SLC4A11: variants seen among roughly 807,000 people sequenced by gnomAD.
SLC4A11 encodes solute carrier family 4 member 11.
A neutral mutation model predicts 95.0 loss-of-function variants in SLC4A11; 74 were observed. That is an observed-to-expected ratio of 0.78 (90% CI 0.65 to 0.95). The LOEUF (loss-of-function observed/expected upper bound fraction) is 0.95. SLC4A11 is among the 40% of genes least tolerant of loss of function. The probability of loss-of-function intolerance (pLI) is 0.00; values close to 1 mark genes in which losing one functional copy is unlikely to be tolerated. For missense variants in SLC4A11, 1,081 were observed against 1,192.4 expected (o/e 0.91, Z 1.38); for synonymous variants, 548 against 519.0 (o/e 1.06, Z -0.76).
In SLC4A11 at chr20:3,233,157, C is replaced by T. The variant is rs147974141; in HGVS notation, c.729+357G>A. ...TCCCACAAAAAGCATGGTGTCCCGG[C>T]CAGGGGGTGTGTGGCCCAGGAAGGA... On this transcript the variant is annotated intron_variant, in intron 7 of 19. Transcript: ENST00000642402. Among the ~76,000 whole-genome samples the T allele has an allele frequency of 4.7e-3, 720 of 152,270 alleles. 5 individuals are homozygous for T. Among genetic ancestry groups the T allele is most frequent in the African/African-American group, 0.016 (684 of 41,548 alleles).
In SLC4A11 at chr20:3,228,296, T is replaced by A; in HGVS notation, c.2521A>T (p.Ile841Phe). The change falls in exon 19 of 20, where the codon ATC becomes TTC. Residue 841 changes from isoleucine to phenylalanine, a missense_variant. Transcript: ENST00000642402. ...GMSSLPYMKM[I>F]FPLIMIAMIP... ...ATGGCGATCATGATGAGGGGAAAGA[T>A]CATCTTCATGTAGGGCAGGGAGCTC... The A allele has an allele frequency of 6.2e-7, 1 of 1,612,786 alleles. No individual in the cohort carries two copies.
At position 3,231,123 on chromosome 20, in the gene SLC4A11, AG is replaced by A; in HGVS notation, c.1042+25del. The A allele has an allele frequency of 6.2e-7, 1 of 1,614,158 alleles. No individual in the cohort carries two copies. On this transcript the variant is annotated intron_variant, in intron 9 of 19. Transcript: ENST00000642402. The surrounding 1 kb of genome is among the most constrained non-coding windows in gnomAD (Gnocchi z 5.2). Reference sequence around the variant, plus strand: ...CAGGACAGGCACACGTGTGGGCCCAAGGCCTGGAAAGCAGAGGCCACGTACC... The same window carrying A: ...CAGGACAGGCACACGTGTGGGCCCAAGCCTGGAAAGCAGAGGCCACGTACC...
upstream of SLC4A11, chr20:3,239,413 A>C: frequency 9.3e-6 from 10 of 1,080,626 alleles, no homozygotes; most frequent in Non-Finnish European, 1.1e-5. Context: ...GGCCAAACCG[A>C]GTAGACCCGG....
Position 3,228,559 on chromosome 20 carries a change from C to G in SLC4A11, c.2341G>C (p.Asp781His). 2 of 1,613,176 alleles carry G rather than the reference C, an allele frequency of 1.2e-6. No individual in the cohort carries two copies. The highest frequency in any genetic ancestry group is 1.7e-6 in the Non-Finnish European group (2 of 1,179,954). Residue 781 changes from aspartate (D) to histidine (H), a missense_variant, in exon 18 of 20, where the codon GAT becomes CAT. Transcript: ENST00000642402. The part of the protein sequence containing the change: ...LFLYIALTSL[D>H]GNQLVQRVAL... Reference sequence around the variant, plus strand: ...ACGCGCTGGACGAGCTGGTTGCCATCGAGGGAGGTGAGCGCGATGTAGAGG... The same window carrying G: ...ACGCGCTGGACGAGCTGGTTGCCATGGAGGGAGGTGAGCGCGATGTAGAGG...
Position 3,230,624 on chromosome 20 carries a change from A to G in SLC4A11, c.1306T>C (p.Tyr436His), listed in dbSNP as rs2067726833. The change falls in exon 12 of 20, where the codon TAT becomes CAT. Residue 436 changes from tyrosine (Y) to histidine (H), a missense_variant. By Grantham distance (83) the Tyr-to-His change is moderately conservative. Coordinates refer to ENST00000642402, the MANE Select transcript of SLC4A11 (RefSeq NM_001174089.2). ...IQVIRVICDD[Y>H]DLDFNSFYAW... Reference sequence around the variant, plus strand: ...TAGAAGGAGTTGAAGTCCAGGTCATAGTCATCACAGATGACACGAATCACT... The same window carrying G: ...TAGAAGGAGTTGAAGTCCAGGTCATGGTCATCACAGATGACACGAATCACT... 6.2e-7 allele frequency: 1 copy of G among 1,613,822 alleles called. No homozygotes were observed. Among genetic ancestry groups the G allele is most frequent in the Non-Finnish European group, 8.5e-7 (1 of 1,180,028 alleles).
chr20:3,237,344 GGGCAGCCTGCCCTCTC>G, intron 2 of SLC4A11, among the ~76,000 whole-genome samples, 184 bp downstream of exon 2: 1 of 133,254 alleles, frequency 7.5e-6, no homozygotes, highest in Non-Finnish European at 1.8e-5. Flanking sequence ...CCAGGAGAAT[GGGCAGCCTGCCCTCTC>G]AGGTCCACGG....
intron 2 of SLC4A11, among the ~76,000 whole-genome samples, chr20:3,236,063 C>G (rs1238398723): frequency 6.6e-6 from 1 of 152,174 alleles, no homozygotes; most frequent in Non-Finnish European, 1.5e-5. Context: ...CTGACAGACA[C>G]CTGTGCAGAA....
Position 3,229,025 on chromosome 20 carries a change from G to A in SLC4A11, c.2019-14C>T. On this transcript the variant is annotated splice_polypyrimidine_tract_variant and intron_variant, in intron 16 of 19. Coordinates refer to ENST00000642402, the MANE Select transcript of SLC4A11 (RefSeq NM_001174089.2). ...CCCTTCACCAGCCTGCAGCAGACGG[G>A]CACTCGTGGACAGAGCCCCACAGCA... 3.1e-6 allele frequency: 5 copies of A among 1,611,366 alleles called. No individual in the cohort carries two copies. Among genetic ancestry groups the A allele is most frequent in the Non-Finnish European group, 3.4e-6 (4 of 1,179,302 alleles).
intron 1 of SLC4A11, chr20:3,238,675 C>G (rs1431172559): frequency 3.0e-6 from 3 of 1,001,408 alleles, no homozygotes; most frequent in Non-Finnish European, 3.6e-6. Flanking sequence ...GGGCTCCCAC[C>G]GCGGCGCCGG....
intron 13 of SLC4A11, 104 bp from the exon 14 acceptor site, chr20:3,229,880 G>A: frequency 6.5e-7 from 1 of 1,528,330 alleles, no homozygotes; most frequent in Non-Finnish European, 9.0e-7. Flanking sequence ...GGGAAGGTGA[G>A]GGGACCCTGC....
At position 3,231,146 on chromosome 20, in the gene SLC4A11, T is replaced by C; in HGVS notation, c.1042+3A>G. On this transcript the variant is annotated splice_donor_region_variant and intron_variant, in intron 9 of 19. Coordinates refer to ENST00000642402, the MANE Select transcript of SLC4A11 (RefSeq NM_001174089.2). The surrounding 1 kb of genome is among the most constrained non-coding windows in gnomAD (Gnocchi z 5.2). ...CAAGGCCTGGAAAGCAGAGGCCACGTACCATCAGTGAAGTCCAAGGGGTAC... is the reference window on the plus strand; with the variant it reads ...CAAGGCCTGGAAAGCAGAGGCCACGCACCATCAGTGAAGTCCAAGGGGTAC... The C allele has an allele frequency of 1.2e-6, 2 of 1,614,160 alleles. No individual in the cohort carries two copies. Among genetic ancestry groups the C allele is most frequent in the Non-Finnish European group, 1.7e-6 (2 of 1,180,030 alleles).
chr20:3,237,635 G>A, intron 1 of SLC4A11, 47 bp from the exon 2 acceptor site: 1 of 1,613,976 alleles, frequency 6.2e-7, no homozygotes, highest in South Asian at 1.1e-5. Flanking sequence ...CCAAGCCCTG[G>A]ACCTCCTGTG....
At chr20:3,235,536 C>T (rs1324887454) in intron 2 of SLC4A11, among the ~76,000 whole-genome samples, 1 of 152,106 alleles carries the variant, frequency 6.6e-6, no homozygotes. Flanking sequence ...AGCCCTGCCC[C>T]CATCGTGCTC....
rs538616847 is a variant in SLC4A11 at position 3,230,062 on chromosome 20, G to A, written c.1489+125C>T. ...GCCAGCCCAAGGCTCCCAGAGCACC[G>A]CACCCTTGATCACGGGCACACACTC... On this transcript the variant is annotated intron_variant, in intron 13 of 19. Coordinates refer to ENST00000642402, the MANE Select transcript of SLC4A11 (RefSeq NM_001174089.2). 3.8e-5 allele frequency: 48 copies of A among 1,262,046 alleles called. 1 individual carries two copies. In the Admixed American group the frequency reaches 4.2e-4, roughly 11 times the overall value. The allele number at this position is 1,262,046 out of a possible 1,614,324, so 78.2% of individuals were successfully genotyped here.
Position 3,239,095 on chromosome 20 carries a change from C to A in SLC4A11, c.43G>T (p.Glu15Ter). 1 of 1,477,180 alleles carries A rather than the reference C, an allele frequency of 6.8e-7. No homozygotes were observed. The highest frequency in any genetic ancestry group is 1.3e-5 in the South Asian group (1 of 78,874). 91.5% of individuals were successfully genotyped at this position (1,477,180 alleles called of 1,614,324 possible). The change falls in exon 1 of 20, where the codon GAA becomes TAA. Residue 15 changes from glutamate to a stop codon, truncating the protein, a stop_gained and splice_region_variant. Coordinates refer to ENST00000642402, the MANE Select transcript of SLC4A11 (RefSeq NM_001174089.2). LOFTEE classifies it high-confidence loss of function. Reference protein sequence around the residue: ...TRRVFHLQPCENSPTMSQNGY... With the variant: ...TRRVFHLQPC Reference sequence around the variant, plus strand: ...CGCGCCCCCGGGTTCAGGCACCCACCGCACGGCTGCAGATGGAACACGCGC... The same window carrying A: ...CGCGCCCCCGGGTTCAGGCACCCACAGCACGGCTGCAGATGGAACACGCGC...
In SLC4A11 at chr20:3,234,486, G is replaced by A; in HGVS notation, c.291+82C>T. The stretch of plus-strand genomic sequence containing the variant: ...CTCCTGGAGGCATGGGAAGAGGGGA[G>A]CAGCGGGAGGATTCTCAGGGAAGCC... On this transcript the variant is annotated intron_variant, in intron 4 of 19. Coordinates refer to ENST00000642402, the MANE Select transcript of SLC4A11 (RefSeq NM_001174089.2). The surrounding 1 kb of genome is among the most constrained non-coding windows in gnomAD (Gnocchi z 5.8). The A allele has an allele frequency of 6.3e-7, 1 of 1,585,968 alleles. No individual in the cohort carries two copies. The highest frequency in any genetic ancestry group is 8.6e-7 in the Non-Finnish European group (1 of 1,156,606).
rs2122544414 is a variant in SLC4A11, at chr20:3,230,721, C to G, written c.1282+11G>C. 6.2e-7 allele frequency: 1 copy of G among 1,613,146 alleles called. No individual in the cohort carries two copies. Among genetic ancestry groups the G allele is most frequent in the East Asian group, 2.2e-5 (1 of 44,872 alleles). On this transcript the variant is annotated intron_variant, in intron 11 of 19. Coordinates refer to ENST00000642402, the MANE Select transcript of SLC4A11 (RefSeq NM_001174089.2). Reference sequence around the variant, plus strand: ...CTCAGGCACCATCTCCCGCCTCAGCCCCCACTGCACCCTGGATGTAGAGCG... The same window carrying G: ...CTCAGGCACCATCTCCCGCCTCAGCGCCCACTGCACCCTGGATGTAGAGCG...
rs1311747266 is a variant in SLC4A11 at position 3,229,608 on chromosome 20, G to A, written c.1658C>T (p.Ser553Leu). ...GCTGAGCACGGCGGTCGCCTGGCCT[G>A]AGTGTGTGGCCGAGGGCAGCTCCGT... ...SPTELPSATH[S>L]GQATAVLSLL... is the part of the protein sequence containing the mutation. Residue 553 changes from serine to leucine, a missense_variant, in exon 14 of 20, where the codon TCA (serine) becomes TTA (leucine). Ser to Leu is a moderately radical substitution (Grantham distance 145). This residue lies in a region of SLC4A11 where 767 missense variants were observed against 858.0 expected (regional missense o/e 0.89). Transcript: ENST00000642402. The A allele has an allele frequency of 6.2e-6, 10 of 1,612,922 alleles. No individual in the cohort carries two copies. The highest frequency in any genetic ancestry group is 2.2e-5 in the East Asian group (1 of 44,864).
In SLC4A11 at chr20:3,234,245, C is replaced by A. The variant is rs758431963; in HGVS notation, c.361G>T (p.Ala121Ser). Residue 121 changes from alanine (A) to serine (S), a missense_variant, in exon 5 of 20, where the codon GCC becomes TCC. Coordinates refer to ENST00000642402, the MANE Select transcript of SLC4A11 (RefSeq NM_001174089.2). The surrounding 1 kb of genome is among the most constrained non-coding windows in gnomAD (Gnocchi z 5.8). ...HRDLDGFLAQASIVLNETATS... is the reference protein window; with the variant it reads ...HRDLDGFLAQSSIVLNETATS... ...GCCGTCTCGTTCAGGACGATGCTGG[C>A]CTGCGCCAGGAAGCCATCTAGGTCG... 4.4e-5 allele frequency: 71 copies of A among 1,613,944 alleles called. 1 individual carries two copies. Among genetic ancestry groups the A allele is most frequent in the Admixed American group, 2.5e-4 (15 of 60,004 alleles).
Sources: allele counts gnomAD v4.1 joint callset (sites outside exome capture counted in the v4.1 genomes callset), GRCh38; gene constraint gnomAD v4.1.1; regional missense constraint gnomAD v4.1.1; non-coding constraint Gnocchi (gnomAD v3.1); transcripts MANE v1.5; gene names NCBI Gene and HGNC (gene_info 2026-07-23, HGNC 2026-07-21).